The following HHLA1 variants were observed in gnomAD, a reference collection of about 807,000 sequenced individuals.
The protein encoded by HHLA1 is HERV-H LTR-associating protein 1.
A neutral mutation model predicts 69.9 loss-of-function variants in HHLA1; 72 were observed. The ratio of observed to expected loss-of-function variants is 1.03; its 90% CI spans 0.85 to 1.25. The LOEUF (loss-of-function observed/expected upper bound fraction) is 1.25, where lower values mean the gene tolerates loss of function less well. Among genes scored for constraint, HHLA1 ranks in the 50% most tolerant of loss-of-function variants. The pLI, the probability that HHLA1 is intolerant of heterozygous loss-of-function variation, is 0.00. For missense variants in HHLA1, 685 were observed against 642.2 expected, an observed-to-expected ratio of 1.07 and a Z score of -0.72; for synonymous variants, 252 against 233.2, an observed-to-expected ratio of 1.08 and a Z score of -0.73.
rs1327402641 is a variant in HHLA1 at position 132,089,646 on chromosome 8, A to C, written c.449-47T>G. 4 of 909,922 alleles carry C rather than the reference A, an allele frequency of 4.4e-6. No homozygotes were observed. In the African/African-American group the frequency reaches 6.6e-5, roughly 15 times the overall value. The allele number at this position is 909,922 out of a possible 1,614,324, so 56.4% of individuals were successfully genotyped here. A position where few individuals can be genotyped will look rare whatever the true frequency, so the allele number is the denominator to read the frequency against. On this transcript the variant is annotated intron_variant, in intron 7 of 16. Transcript: ENST00000414222. ...TTTAAATTTCTGCTTCAGAGACAAA[A>C]GGAGAAAAGTATACTGTGTTTGGAT...
chr8:132,101,152 A>C (rs752123830), intron 3 of HHLA1: 18 of 1,522,862 alleles, frequency 1.2e-5, no homozygotes, highest in Admixed American at 4.5e-5. Context: ...TTCATTTTGC[A>C]AATAGAAAAC....
rs993426539 is a variant in HHLA1 at position 132,105,191 on chromosome 8, G to C, written c.75C>G (p.Asn25Lys). ...CAGAACTCCAGCTAGACCCACCTGT[G>C]TTCCAAAGGGACAAGACACATGCCA... Reference protein sequence around the residue: ...MGLACVLSLWNTVSGIKGEAK... With the variant: ...MGLACVLSLWKTVSGIKGEAK... The change falls in exon 2 of 17, where the codon AAC becomes AAG. Residue 25 changes from asparagine to lysine, a missense_variant. Transcript: ENST00000414222. 8 of 1,551,328 alleles carry C rather than the reference G, an allele frequency of 5.2e-6. No individual in the cohort carries two copies. The African/African-American group carries it at 1.1e-4, about 21-fold the overall frequency.
chr8:132,072,339 G>A (rs2130877966), intron 14 of HHLA1, among the ~76,000 whole-genome samples: 2 of 152,250 alleles, frequency 1.3e-5, no homozygotes, highest in African/African-American at 4.8e-5. Flanking sequence ...CATATAGAAT[G>A]ACTGGAAGGA....
chr8:132,080,811 A>G (rs1586727671), intron 10 of HHLA1: 1 of 152,106 alleles, frequency 6.6e-6, no homozygotes, highest in African/African-American at 2.4e-5. Context: ...TTCAAGCGGG[A>G]TTAGGGGCAG....
intron 10 of HHLA1, among the ~76,000 whole-genome samples, chr8:132,083,089 G>A (rs1382299904): frequency 1.3e-5 from 2 of 151,368 alleles, no homozygotes; most frequent in African/African-American, 4.9e-5. Context: ...GTTAAGGTGG[G>A]GGGGATACAA....
intron 7 of HHLA1, among the ~76,000 whole-genome samples, chr8:132,092,454 G>A (rs374321648): frequency 7.4e-4 from 113 of 152,194 alleles, no homozygotes; most frequent in Non-Finnish European, 1.3e-3. Context: ...GAGGTGAGGC[G>A]TGGTGGGAGG....
At chr8:132,082,315 C>A (rs1295939525) in intron 10 of HHLA1, among the ~76,000 whole-genome samples, 2 of 152,188 alleles carry the variant, frequency 1.3e-5, no homozygotes, top group African/African-American at 4.8e-5. Context: ...CAGCAGCAGC[C>A]GCTGCACGCA....
In HHLA1 at chr8:132,076,534, G is replaced by A; in HGVS notation, c.1181C>T (p.Thr394Ile). The A allele has an allele frequency of 1.3e-6, 2 of 1,534,440 alleles. No individual in the cohort carries two copies. Among genetic ancestry groups the A allele is most frequent in the African/African-American group, 1.4e-5 (1 of 72,406 alleles). ...TGGACTCGGAGTCTGTGTGCCATGG[G>A]TGAATGCTCCTGGGAGGAGATGAGA... ...SQASPTLGAF[T>I]HGTQTPSPTK... is the part of the protein sequence containing the mutation. Residue 394 changes from threonine to isoleucine, a missense_variant, in exon 13 of 17, where the codon ACC becomes ATC. Thr to Ile is a moderately conservative substitution (Grantham distance 89). Transcript: ENST00000414222.
At chr8:132,097,585 T>C (rs1171867774) in intron 5 of HHLA1, among the ~76,000 whole-genome samples, 1 of 152,160 alleles carries the variant, frequency 6.6e-6, no homozygotes, top group African/African-American at 2.4e-5. Context: ...GTGCAGGGCC[T>C]TGCAGAGGAA....
At chr8:132,094,758 A>G (rs35757972) in intron 7 of HHLA1, among the ~76,000 whole-genome samples, 43,483 of 152,106 alleles carry the variant, frequency 0.29, 6,628 homozygotes, top group South Asian at 0.45. Context: ...GCTCCCCGCT[A>G]GGAATCTATG....
intron 3 of HHLA1, among the ~76,000 whole-genome samples, chr8:132,102,317 G>A (rs1440444369): frequency 6.6e-6 from 1 of 152,208 alleles, no homozygotes; most frequent in African/African-American, 2.4e-5. Flanking sequence ...GCTGTTGCCT[G>A]CTTAAGCCAA....
At chr8:132,107,973 G>A (rs1356899840) in intron 1 of HHLA1, among the ~76,000 whole-genome samples, 1 of 152,148 alleles carries the variant, frequency 6.6e-6, no homozygotes, top group African/African-American at 2.4e-5. Flanking sequence ...GAGAGCCTGG[G>A]TTTAAGGTCA....
Position 132,089,523 on chromosome 8 carries a change from G to C in HHLA1, c.525C>G (p.Ile175Met). The C allele has an allele frequency of 6.7e-7, 1 of 1,495,826 alleles. No homozygotes were observed. Among genetic ancestry groups the C allele is most frequent in the Admixed American group, 2.0e-5 (1 of 50,934 alleles). The allele number at this position is 1,495,826 out of a possible 1,614,324, so 92.7% of individuals were successfully genotyped here. A position where few individuals can be genotyped will look rare whatever the true frequency, so the allele number is the denominator to read the frequency against. The change falls in exon 8 of 17, where the codon ATC becomes ATG. Residue 175 changes from isoleucine to methionine, a missense_variant. Transcript: ENST00000414222. ...TTTTCAAGATGAACACACCTGAGAG[G>C]ATGGAGGTTGACTTAAAAATCTCTG... ...YLTEIFKSTS[I>M]LSVNQSNESD...
chr8:132,100,562 G>A (rs907062495), intron 3 of HHLA1, among the ~76,000 whole-genome samples: 4 of 152,158 alleles, frequency 2.6e-5, no homozygotes, highest in African/African-American at 9.7e-5. Context: ...TGCGACCAAA[G>A]GAGAAAATGT....
At position 132,077,796 on chromosome 8, in the gene HHLA1, T is replaced by G. The variant is rs1175079162; in HGVS notation, c.1101A>C (p.Thr367=). 1.9e-6 allele frequency: 3 copies of G among 1,551,524 alleles called. No homozygotes were observed. The East Asian group carries it at 7.3e-5, about 38-fold the overall frequency. ...TCTCAGCAGCAGGCGCCAAAAGGCT[T>G]GTAGTGTTCATGGCTTCCTCGGTCC... ...TAGTEEAMNT[T]SLLAPAAEIM... Residue 367 remains threonine, a synonymous_variant, in exon 12 of 17, where the codon ACA becomes ACC. Transcript: ENST00000414222.
chr8:132,070,648 C>T (rs1438063648), intron 15 of HHLA1, among the ~76,000 whole-genome samples: 1 of 152,004 alleles, frequency 6.6e-6, no homozygotes, highest in Non-Finnish European at 1.5e-5. Context: ...CATTACACCT[C>T]AACTCAACTC....
chr8:132,109,249 TG>T (rs1481859884), intron 1 of HHLA1, among the ~76,000 whole-genome samples: 1 of 152,150 alleles, frequency 6.6e-6, no homozygotes, highest in Non-Finnish European at 1.5e-5. Context: ...AAAGCATTTG[TG>T]GAGCTCATGG....
At chr8:132,097,220 G>A (rs977862930) in intron 5 of HHLA1, among the ~76,000 whole-genome samples, 1 of 152,260 alleles carries the variant, frequency 6.6e-6, no homozygotes, top group Middle Eastern at 3.4e-3. Flanking sequence ...TTTTTTTGAT[G>A]ATAAAAATCA....
chr8:132,098,232 A>G (rs544285620), intron 5 of HHLA1, among the ~76,000 whole-genome samples: 191 of 152,360 alleles, frequency 1.3e-3, no homozygotes, highest in Non-Finnish European at 2.2e-3. Context: ...TGTTACATAC[A>G]AATCATTTTG....
Sources: allele counts gnomAD v4.1 joint callset (sites outside exome capture counted in the v4.1 genomes callset), GRCh38; gene constraint gnomAD v4.1.1; transcripts MANE v1.5; gene names NCBI Gene and HGNC (gene_info 2026-07-23, HGNC 2026-07-21).